Variants in DOCK8 observed in about 807,000 individuals in gnomAD.
The protein encoded by DOCK8 is dedicator of cytokinesis protein 8.
DOCK8 carries 141 observed loss-of-function variants against 245.6 expected under a neutral mutation model. The ratio of observed to expected loss-of-function variants is 0.57; its 90% CI spans 0.50 to 0.66. The LOEUF (loss-of-function observed/expected upper bound fraction) is 0.66, where lower values mean the gene tolerates loss of function less well. Among genes scored for constraint, DOCK8 ranks in the 30% least tolerant of loss-of-function variants. The pLI, the probability that DOCK8 is intolerant of heterozygous loss-of-function variation, is 0.00. For missense variants in DOCK8, 2,965 were observed against 2,603.4 expected (o/e 1.14, Z -3.02); for synonymous variants, 1,168 against 970.2 (o/e 1.20, Z -3.79).
At chr9:461,133 G>A (rs10815000) in intron 46 of DOCK8, among the ~76,000 whole-genome samples, 1 of 151,710 alleles carries the variant, frequency 6.6e-6, no homozygotes, top group Non-Finnish European at 1.5e-5. Flanking sequence ...GAAAACACCA[G>A]GTTTAACGGT....
At chr9:215,916 A>G (rs1434122167) in intron 1 of DOCK8, among the ~76,000 whole-genome samples, 1 of 152,176 alleles carries the variant, frequency 6.6e-6, no homozygotes, top group Non-Finnish European at 1.5e-5. Context: ...CTAAAGTGTC[A>G]ACTTATTCTA....
At chr9:262,187 C>T (rs2047934378) in intron 1 of DOCK8, among the ~76,000 whole-genome samples, 1 of 151,886 alleles carries the variant, frequency 6.6e-6, no homozygotes, top group South Asian at 2.1e-4. Context: ...AATGAGATAC[C>T]ACCACATACA....
At chr9:364,778 C>G (rs1246511123) in intron 14 of DOCK8, among the ~76,000 whole-genome samples, 1 of 151,524 alleles carries the variant, frequency 6.6e-6, no homozygotes, top group Non-Finnish European at 1.5e-5. Flanking sequence ...CTTTTATGTA[C>G]TTTTATGTTA....
intron 1 of DOCK8, among the ~76,000 whole-genome samples, chr9:218,590 G>C (rs1187838035): frequency 1.3e-5 from 2 of 152,032 alleles, no homozygotes; most frequent in East Asian, 1.9e-4. Flanking sequence ...CTTGTTAATT[G>C]CCTTTTTTCT....
intron 6 of DOCK8, 33 bp downstream of exon 6, chr9:312,199 C>T: frequency 1.9e-6 from 3 of 1,608,536 alleles, no homozygotes; most frequent in Non-Finnish European, 2.6e-6. Context: ...TGGAGAATCT[C>T]AGTGAAGACT....
Position 368,093 on chromosome 9 carries a change from G to C in DOCK8, c.1755G>C (p.Lys585Asn). The C allele has an allele frequency of 6.2e-7, 1 of 1,614,172 alleles. No homozygotes were observed. The highest frequency in any genetic ancestry group is 8.5e-7 in the Non-Finnish European group (1 of 1,180,010). ...KLASARNITI[K>N]IQFMCGEDAS... Reference sequence around the variant, plus strand: ...CATCAGCCCGGAACATTACAATAAAGATCCAGTTTATGTGTGGAGAAGATG... The same window carrying C: ...CATCAGCCCGGAACATTACAATAAACATCCAGTTTATGTGTGGAGAAGATG... The change falls in exon 15 of 48, where the codon AAG becomes AAC. Residue 585 changes from lysine (K) to asparagine (N), a missense_variant. Coordinates refer to ENST00000432829, the MANE Select transcript of DOCK8 (RefSeq NM_203447.4).
chr9:264,962 G>A (rs2048003304), intron 1 of DOCK8, among the ~76,000 whole-genome samples: 1 of 151,984 alleles, frequency 6.6e-6, no homozygotes, highest in Non-Finnish European at 1.5e-5. Flanking sequence ...ACAAAGTCTC[G>A]CTCTTGTCCC....
intron 26 of DOCK8, among the ~76,000 whole-genome samples, chr9:403,890 CTCTA>C (rs1254265484): frequency 6.3e-3 from 504 of 80,094 alleles, no homozygotes; most frequent in African/African-American, 0.015. Context: ...CTCTCTCTCT[CTCTA>C]TATATATATA....
intron 22 of DOCK8, among the ~76,000 whole-genome samples, chr9:383,569 G>A (rs922000873): frequency 1.5e-4 from 22 of 151,718 alleles, no homozygotes; most frequent in African/African-American, 4.6e-4. Flanking sequence ...GCATGGTGGC[G>A]GGTCCCTGTA....
chr9:405,650 C>G (rs2055380969), intron 27 of DOCK8, among the ~76,000 whole-genome samples: 1 of 152,140 alleles, frequency 6.6e-6, no homozygotes, highest in African/African-American at 2.4e-5. Flanking sequence ...TTGATAGTCA[C>G]ATTCCATTTA....
chr9:290,807 A>G (rs1316081817), intron 4 of DOCK8, among the ~76,000 whole-genome samples: 2 of 152,212 alleles, frequency 1.3e-5, no homozygotes, highest in Admixed American at 6.5e-5. Flanking sequence ...AAGAATTACT[A>G]TTCTATGGGG....
rs972131693 is a variant in DOCK8 at position 378,882 on chromosome 9, T to C, written c.2441-889T>C. Among the ~76,000 whole-genome samples, 6 of 152,230 alleles carry C rather than the reference T, an allele frequency of 3.9e-5. No homozygotes were observed. In the East Asian group the frequency reaches 1.2e-3, roughly 29 times the overall value. On this transcript the variant is annotated intron_variant, in intron 20 of 47. Transcript: ENST00000432829. Reference sequence around the variant, plus strand: ...CTTCGCATGGGAAGGATTCCAGCTTTCACAGACAGACAGTTTACCACCAGA... The same window carrying C: ...CTTCGCATGGGAAGGATTCCAGCTTCCACAGACAGACAGTTTACCACCAGA...
chr9:315,111 G>A (rs557109086), intron 6 of DOCK8, among the ~76,000 whole-genome samples: 95 of 152,310 alleles, frequency 6.2e-4, no homozygotes, highest in Non-Finnish European at 1.0e-3. Flanking sequence ...AAAAAGGCTA[G>A]GGGAGTACTT....
At chr9:410,773 A>C (rs2055685418) in intron 28 of DOCK8, among the ~76,000 whole-genome samples, 1 of 152,234 alleles carries the variant, frequency 6.6e-6, no homozygotes, top group Non-Finnish European at 1.5e-5. Flanking sequence ...GAAATCCGCA[A>C]GATGAAAAGC....
intron 46 of DOCK8, chr9:460,492 AG>A (rs1219816166): frequency 6.6e-6 from 1 of 152,146 alleles, no homozygotes; most frequent in Admixed American, 6.5e-5. Flanking sequence ...TTAGTTAAGA[AG>A]CAATAAAAAA....
chr9:311,710 G>A (rs544563136), intron 5 of DOCK8, among the ~76,000 whole-genome samples: 2 of 152,308 alleles, frequency 1.3e-5, no homozygotes, highest in African/African-American at 4.8e-5. Flanking sequence ...CTCAGGACTG[G>A]TTTGTCTGCA....
chr9:276,980 T>C (rs752311228), intron 2 of DOCK8: 2 of 344,612 alleles, frequency 5.8e-6, no homozygotes, highest in South Asian at 4.0e-5. Flanking sequence ...CTAATTTTTG[T>C]ATTTTTTTTG....
intron 43 of DOCK8, among the ~76,000 whole-genome samples, chr9:444,705 G>T (rs990768225): frequency 2.6e-5 from 4 of 152,188 alleles, no homozygotes. Context: ...CAGGGGCCCA[G>T]CATGAGTCAC....
At chr9:290,721 G>C (rs547864013) in intron 4 of DOCK8, among the ~76,000 whole-genome samples, 1 of 152,300 alleles carries the variant, frequency 6.6e-6, no homozygotes, top group African/African-American at 2.4e-5. Flanking sequence ...CACCCCACTA[G>C]AGACACGTCA....
Sources: allele counts gnomAD v4.1 joint callset (sites outside exome capture counted in the v4.1 genomes callset), GRCh38; gene constraint gnomAD v4.1.1; transcripts MANE v1.5; gene names NCBI Gene and HGNC (gene_info 2026-07-23, HGNC 2026-07-21).